Variants in TMEM108 observed in about 807,000 individuals in gnomAD.
TMEM108 encodes the protein cancer/testis antigen 124.
Under a neutral mutation model 35.1 loss-of-function variants are expected in TMEM108, and 12 were observed. That is an observed-to-expected ratio of 0.34 (90% CI 0.22 to 0.55). The LOEUF (loss-of-function observed/expected upper bound fraction) is 0.55, where lower values mean the gene tolerates loss of function less well. TMEM108 is among the 20% of genes least tolerant of loss of function. The pLI is 0.89. For synonymous variants in TMEM108, 287 were observed against 308.6 expected (o/e 0.93, Z 0.73); for missense variants, 680 against 753.3 (o/e 0.90, Z 1.14).
At chr3:133,111,487 G>A (rs1559835698) in intron 2 of TMEM108, among the ~76,000 whole-genome samples, 2 of 151,836 alleles carry the variant, frequency 1.3e-5, no homozygotes, top group South Asian at 2.1e-4. Flanking sequence ...ATATATGTGT[G>A]TATATATATA....
At chr3:133,172,979 A>G (rs1429860402) in intron 2 of TMEM108, among the ~76,000 whole-genome samples, 1 of 152,030 alleles carries the variant, frequency 6.6e-6, no homozygotes, top group East Asian at 1.9e-4. Flanking sequence ...CTTGCCTTCC[A>G]CCATGATTGT....
rs377247997 is a variant in TMEM108, at chr3:133,067,708, A to G, written c.-47+21688A>G. ...AGCTAAGGTGGTGAGGGCCAATAGG[A>G]CTGTAAACAAGTATGTGATAAGTTA... On this transcript the variant is annotated intron_variant, in intron 2 of 5. Coordinates refer to ENST00000321871, the MANE Select transcript of TMEM108 (RefSeq NM_023943.4). Among the ~76,000 whole-genome samples the G allele has an allele frequency of 8.5e-5, 13 of 152,274 alleles. No individual in the cohort carries two copies. In the East Asian group the frequency reaches 1.3e-3, roughly 16 times the overall value.
intron 3 of TMEM108, among the ~76,000 whole-genome samples, chr3:133,354,883 T>TA (rs3055470): frequency 0.12 from 17,735 of 149,660 alleles, 1,420 homozygotes; most frequent in East Asian, 0.38. Context: ...AGCACATGTT[T>TA]AAAAAAAAAA....
chr3:133,203,451 A>G (rs1006317730), intron 2 of TMEM108, among the ~76,000 whole-genome samples: 2 of 152,100 alleles, frequency 1.3e-5, no homozygotes, highest in East Asian at 3.8e-4. Flanking sequence ...AGCTCTTACT[A>G]TTTTGAGATA....
chr3:133,294,399 A>T (rs1399298779), intron 3 of TMEM108, among the ~76,000 whole-genome samples: 1 of 152,220 alleles, frequency 6.6e-6, no homozygotes, highest in Non-Finnish European at 1.5e-5. Flanking sequence ...AAACTATGAG[A>T]ATACAAAAAC....
At chr3:133,325,449 G>A (rs1336370300) in intron 3 of TMEM108, among the ~76,000 whole-genome samples, 1 of 152,140 alleles carries the variant, frequency 6.6e-6, no homozygotes, top group South Asian at 2.1e-4. Context: ...AACACCATCT[G>A]TTCTGCCAAA....
chr3:133,067,400 G>T (rs571877285), intron 2 of TMEM108, among the ~76,000 whole-genome samples: 2 of 152,146 alleles, frequency 1.3e-5, no homozygotes, highest in Non-Finnish European at 2.9e-5. Context: ...TATATATCCT[G>T]CTCATCTTAC....
intron 2 of TMEM108, among the ~76,000 whole-genome samples, chr3:133,115,951 T>G (rs1944283366): frequency 6.6e-6 from 1 of 152,134 alleles, no homozygotes; most frequent in Non-Finnish European, 1.5e-5. Flanking sequence ...CTGATTTCAG[T>G]GGGGGTGGGG....
At chr3:133,209,605 A>G (rs938947611) in intron 2 of TMEM108, among the ~76,000 whole-genome samples, 2 of 152,042 alleles carry the variant, frequency 1.3e-5, no homozygotes, top group African/African-American at 2.4e-5. Context: ...TGCTGTGTAT[A>G]CTGCATCTTC....
intron 3 of TMEM108, among the ~76,000 whole-genome samples, chr3:133,317,407 T>G (rs941805906): frequency 6.6e-5 from 10 of 152,214 alleles, no homozygotes; most frequent in African/African-American, 2.4e-4. Context: ...TGCCAACTCC[T>G]GAAGATCTTG....
intron 3 of TMEM108, among the ~76,000 whole-genome samples, chr3:133,295,258 T>C (rs1947128100): frequency 6.6e-6 from 1 of 152,096 alleles, no homozygotes; most frequent in Admixed American, 6.5e-5. Flanking sequence ...CCATAGCATT[T>C]GAGATCTGGA....
intron 3 of TMEM108, among the ~76,000 whole-genome samples, chr3:133,312,482 A>G (rs1272037521): frequency 1.3e-5 from 2 of 152,222 alleles, no homozygotes; most frequent in African/African-American, 2.4e-5. Context: ...TCGTGGGTCA[A>G]TCTCAGACTG....
At chr3:133,232,260 C>G (rs1328630048) in intron 3 of TMEM108, among the ~76,000 whole-genome samples, 1 of 152,118 alleles carries the variant, frequency 6.6e-6, no homozygotes, top group Non-Finnish European at 1.5e-5. Flanking sequence ...TAGATTAGTG[C>G]TCTCTCTGGG....
chr3:133,240,700 A>G (rs1311335408), intron 3 of TMEM108, among the ~76,000 whole-genome samples: 1 of 152,230 alleles, frequency 6.6e-6, no homozygotes, highest in Non-Finnish European at 1.5e-5. Flanking sequence ...ATGACTGCAC[A>G]GAGTGCTTCA....
intron 2 of TMEM108, among the ~76,000 whole-genome samples, chr3:133,122,408 C>T (rs1944363026): frequency 6.6e-6 from 1 of 152,134 alleles, no homozygotes; most frequent in African/African-American, 2.4e-5. Flanking sequence ...GCTGCTAGAG[C>T]TGTGGATGGT....
intron 3 of TMEM108, among the ~76,000 whole-genome samples, chr3:133,341,314 C>G (rs1027183667): frequency 9.9e-5 from 15 of 151,628 alleles, no homozygotes; most frequent in African/African-American, 3.6e-4. Context: ...ACATTAGCTA[C>G]AAATAAAATA....
At chr3:133,142,440 A>G (rs370504642) in intron 2 of TMEM108, among the ~76,000 whole-genome samples, 10 of 152,178 alleles carry the variant, frequency 6.6e-5, no homozygotes, top group African/African-American at 2.4e-4. Context: ...AGCTGGAGGA[A>G]CAAGAGCAAG....
chr3:133,066,424 A>G (rs77645423), intron 2 of TMEM108, among the ~76,000 whole-genome samples: 4,194 of 152,278 alleles, frequency 0.028, 104 homozygotes, highest in South Asian at 0.061. Context: ...AGTGTAAGCA[A>G]TAGAAGAAAT....
At chr3:133,218,056 A>T (rs1340052533) in intron 2 of TMEM108, among the ~76,000 whole-genome samples, 2 of 151,960 alleles carry the variant, frequency 1.3e-5, no homozygotes, top group Admixed American at 6.6e-5. Context: ...TGAACATAGG[A>T]TGTCTTTCCA....
Sources: gnomAD v4.1 joint callset for allele counts (sites outside exome capture counted in the v4.1 genomes callset) on GRCh38, gnomAD v4.1.1 for gene constraint, MANE v1.5 for transcripts, NCBI Gene and HGNC (gene_info 2026-07-23, HGNC 2026-07-21) for gene names.